SPNS3: variants seen among roughly 807,000 people sequenced by gnomAD.
The protein encoded by SPNS3 is protein spinster homolog 3.
SPNS3 carries 51 observed loss-of-function variants against 54.4 expected under a neutral mutation model. The observed-to-expected ratio is 0.94, with a 90% CI of 0.75 to 1.18. The LOEUF (loss-of-function observed/expected upper bound fraction) is 1.18. SPNS3 is among the 50% of genes most tolerant of loss of function. The probability of loss-of-function intolerance (pLI) is 0.00; values close to 1 mark genes in which losing one functional copy is unlikely to be tolerated. For missense variants in SPNS3, 669 were observed against 677.4 expected (o/e 0.99, Z 0.14); for synonymous variants, 309 against 294.7 (o/e 1.05, Z -0.50).
intron 7 of SPNS3, among the ~76,000 whole-genome samples, chr17:4,450,762 A>ATTTTTT (rs11415054): frequency 3.1e-5 from 4 of 127,196 alleles, no homozygotes; most frequent in Non-Finnish European, 4.8e-5. Context: ...ATGCCCAGCT[A>ATTTTTT]TTTTTTTTTT....
rs199522240 is a variant in SPNS3, at chr17:4,449,322, C to T, written c.858C>T (p.Leu286=). The T allele has an allele frequency of 1.2e-5, 19 of 1,611,976 alleles. No homozygotes were observed. Among genetic ancestry groups the T allele is most frequent in the Middle Eastern group, 1.7e-4 (1 of 6,060 alleles). The part of the protein sequence containing the change: ...ALGFWAPKFL[L]EARVVHGLQP... ...GGTTCTGGGCCCCCAAGTTTCTGCT[C>T]GAGGCACGCGTGGTTCACGGGCTGC... The change falls in exon 7 of 12, where the codon CTC becomes CTT. Residue 286 remains leucine, a synonymous_variant. Transcript: ENST00000355530.
chr17:4,436,466 TTCAGCC>T (rs565868608), intron 1 of SPNS3, among the ~76,000 whole-genome samples: 169 of 151,278 alleles, frequency 1.1e-3, no homozygotes, highest in African/African-American at 3.9e-3. Flanking sequence ...CAGTGATGTC[TTCAGCC>T]TCTCGGGAGG....
chr17:4,471,860 A>ATT (rs766599416), intron 8 of SPNS3, among the ~76,000 whole-genome samples: 7,877 of 141,038 alleles, frequency 0.056, 255 homozygotes, highest in Middle Eastern at 0.13. Context: ...TTTAGGTTGG[A>ATT]TTTTTTGTTT....
Position 4,488,154 on chromosome 17 carries a change from G to T in SPNS3, c.*260G>T. The stretch of plus-strand genomic sequence containing the variant: ...GGGGTCTCCAGCCTGGCTGCTGCTG[G>T]GCCCTGAATAAAGAGAGGCCAGTAC... On this transcript the variant is annotated 3_prime_UTR_variant, in exon 12 of 12. Coordinates refer to ENST00000355530, the MANE Select transcript of SPNS3 (RefSeq NM_182538.5). The T allele has an allele frequency of 3.7e-6, 2 of 535,244 alleles. No homozygotes were observed. The highest frequency in any genetic ancestry group is 6.8e-6 in the Non-Finnish European group (2 of 295,948). 33.2% of individuals were successfully genotyped at this position (535,244 alleles called of 1,614,324 possible).
At chr17:4,443,007 C>G (rs1330068048) in intron 2 of SPNS3, among the ~76,000 whole-genome samples, 1 of 152,190 alleles carries the variant, frequency 6.6e-6, no homozygotes, top group African/African-American at 2.4e-5. Context: ...CTTAAAACAG[C>G]CTGCAAGTGA....
At chr17:4,451,252 T>TA (rs1971156494) in intron 7 of SPNS3, among the ~76,000 whole-genome samples, 1 of 102,360 alleles carries the variant, frequency 9.8e-6, no homozygotes, top group Non-Finnish European at 2.4e-5. Context: ...TCTTCTTTGT[T>TA]TTTTTTTTTT....
rs372354268 is a variant in SPNS3, at chr17:4,458,308, CTTTCT to C, written c.1113+5121_1113+5125del. ...GAGCTAGCTAGCTTGCTTGCTTTTT[CTTTCT>C]TTTCTTTTCTTTTCTTTCCCTCCCT... On this transcript the variant is annotated intron_variant, in intron 8 of 11. Coordinates refer to ENST00000355530, the MANE Select transcript of SPNS3 (RefSeq NM_182538.5). Among the ~76,000 whole-genome samples, 30 of 152,130 alleles carry C rather than the reference CTTTCT, an allele frequency of 2.0e-4. No individual in the cohort carries two copies. The South Asian group carries it at 4.6e-3, about 23-fold the overall frequency.
In SPNS3 at chr17:4,448,323, C is replaced by T; in HGVS notation, c.770+20C>T. ...GAAAAAGTGAGTATCCCTGCTACCC[C>T]CTGCAAGGCACAGAAAAGCCCGTTT... is the stretch of plus-strand genomic sequence containing the variant. On this transcript the variant is annotated intron_variant, in intron 6 of 11. Coordinates refer to ENST00000355530, the MANE Select transcript of SPNS3 (RefSeq NM_182538.5). 1 of 1,514,776 alleles carries T rather than the reference C, an allele frequency of 6.6e-7. No homozygotes were observed. Among genetic ancestry groups the T allele is most frequent in the East Asian group, 2.5e-5 (1 of 40,352 alleles). The allele number at this position is 1,514,776 out of a possible 1,614,324, so 93.8% of individuals were successfully genotyped here.
Position 4,448,265 on chromosome 17 carries a change from G to C in SPNS3, c.732G>C (p.Arg244Ser). ...TQGEGAVGGF[R>S]SSWCEDVRYL... Reference sequence around the variant, plus strand: ...GGGAGGGGGCCGTGGGAGGCTTCAGGAGCAGCTGGTGTGAGGACGTCAGAT... The same window carrying C: ...GGGAGGGGGCCGTGGGAGGCTTCAGCAGCAGCTGGTGTGAGGACGTCAGAT... The change falls in exon 6 of 12, where the codon AGG (arginine) becomes AGC (serine). Residue 244 changes from arginine to serine, a missense_variant. By Grantham distance (110) the Arg-to-Ser change is moderately radical. Transcript: ENST00000355530. 6.3e-7 allele frequency: 1 copy of C among 1,594,726 alleles called. No individual in the cohort carries two copies. Among genetic ancestry groups the C allele is most frequent in the Non-Finnish European group, 8.5e-7 (1 of 1,171,340 alleles).
intron 8 of SPNS3, 36 bp from the exon 9 acceptor site, chr17:4,478,536 C>T (rs1567575007): frequency 6.4e-7 from 1 of 1,551,202 alleles, no homozygotes. Flanking sequence ...TGACTGGGAT[C>T]TGGGAATCCT....
At chr17:4,437,732 T>G (rs956833268) in intron 1 of SPNS3, among the ~76,000 whole-genome samples, 2 of 151,502 alleles carry the variant, frequency 1.3e-5, no homozygotes, top group Admixed American at 1.3e-4. Context: ...CATAACAGTT[T>G]GTATGCCAGG....
At chr17:4,475,791 A>G (rs1335760684) in intron 8 of SPNS3, among the ~76,000 whole-genome samples, 1 of 152,240 alleles carries the variant, frequency 6.6e-6, no homozygotes, top group African/African-American at 2.4e-5. Flanking sequence ...GCTGAATTCT[A>G]CAAACCAGGG....
chr17:4,452,918 C>G, intron 7 of SPNS3, 98 bp from the exon 8 acceptor site: 1 of 1,235,462 alleles, frequency 8.1e-7, no homozygotes, highest in South Asian at 1.4e-5. Flanking sequence ...AGATCATGCA[C>G]TTGAGCCGAG....
At chr17:4,439,824 T>G in intron 2 of SPNS3, 101 bp downstream of exon 2, 1 of 1,106,284 alleles carries the variant, frequency 9.0e-7, no homozygotes, top group African/African-American at 1.6e-5. Context: ...CCCCACTGGG[T>G]CCCCTGGCAC....
intron 8 of SPNS3, among the ~76,000 whole-genome samples, chr17:4,472,166 AT>A (rs1289387966): frequency 2.0e-5 from 3 of 151,854 alleles, no homozygotes; most frequent in African/African-American, 7.3e-5. Context: ...GCCAAGTTGG[AT>A]TTTTTTCTCC....
At chr17:4,468,456 G>A (rs1971744694) in intron 8 of SPNS3, among the ~76,000 whole-genome samples, 1 of 152,122 alleles carries the variant, frequency 6.6e-6, no homozygotes, top group African/African-American at 2.4e-5. Flanking sequence ...GAAGTAGAAT[G>A]AACAGGGTTT....
At chr17:4,455,335 G>A (rs1057052322) in intron 8 of SPNS3, among the ~76,000 whole-genome samples, 1 of 152,062 alleles carries the variant, frequency 6.6e-6, no homozygotes, top group African/African-American at 2.4e-5. Flanking sequence ...CTCCCCTTGC[G>A]ATTCTGTCCT....
At chr17:4,439,249 G>C (rs1349190027) in intron 1 of SPNS3, among the ~76,000 whole-genome samples, 1 of 151,724 alleles carries the variant, frequency 6.6e-6, no homozygotes, top group East Asian at 1.9e-4. Context: ...TCAGCCTCCC[G>C]AGTAGCTGGG....
intron 8 of SPNS3, among the ~76,000 whole-genome samples, chr17:4,454,128 G>C (rs914550379): frequency 6.6e-6 from 1 of 152,122 alleles, no homozygotes; most frequent in Non-Finnish European, 1.5e-5. Flanking sequence ...CAGAATTCAC[G>C]TTCCCACTTG....
Sources: allele counts gnomAD v4.1 joint callset (sites outside exome capture counted in the v4.1 genomes callset), GRCh38; gene constraint gnomAD v4.1.1; transcripts MANE v1.5; gene names NCBI Gene and HGNC (gene_info 2026-07-23, HGNC 2026-07-21).